The following CDH19 variants were observed in gnomAD, a reference collection of about 807,000 sequenced individuals.
CDH19 encodes cadherin 19, also known as cadherin-19.
A neutral mutation model predicts 64.2 loss-of-function variants in CDH19; 67 were observed. The ratio of observed to expected loss-of-function variants is 1.04; its 90% CI spans 0.86 to 1.28. The LOEUF (loss-of-function observed/expected upper bound fraction) is 1.28. Ranked by LOEUF, CDH19 falls within the 50% of genes most tolerant of loss-of-function variation. CDH19 has a pLI of 0.00. For synonymous variants in CDH19, 346 were observed against 319.3 expected, an observed-to-expected ratio of 1.08 and a Z score of -0.89; for missense variants, 1,030 against 929.0, an observed-to-expected ratio of 1.11 and a Z score of -1.41.
chr18:66,532,682 T>C (rs535204116), intron 8 of CDH19: 11 of 444,936 alleles, frequency 2.5e-5, no homozygotes, highest in Admixed American at 2.2e-4. Context: ...CTTTGAAATG[T>C]AATCTTCAAG....
At chr18:66,521,916 CTGTTGTTGT>C (rs201747306) in intron 9 of CDH19, among the ~76,000 whole-genome samples, 30,477 of 111,050 alleles carry the variant, frequency 0.27, 3,979 homozygotes, top group East Asian at 0.52. Context: ...GTTACTTGTT[CTGTTGTTGT>C]TGTTGTTGTT....
chr18:66,530,364 A>G (rs2144417426), intron 8 of CDH19, among the ~76,000 whole-genome samples: 1 of 152,220 alleles, frequency 6.6e-6, no homozygotes, highest in South Asian at 2.1e-4. Context: ...CGGATAAAAA[A>G]TTGATAAACC....
chr18:66,563,807 A>C (rs1042650490), intron 3 of CDH19, among the ~76,000 whole-genome samples: 1 of 151,886 alleles, frequency 6.6e-6, no homozygotes, highest in African/African-American at 2.4e-5. Context: ...GTGTTCTTCA[A>C]ATTTTTTATT....
intron 2 of CDH19, among the ~76,000 whole-genome samples, chr18:66,569,435 T>A (rs1451075769): frequency 6.6e-6 from 1 of 151,636 alleles, no homozygotes; most frequent in Non-Finnish European, 1.5e-5. Context: ...GGCTGTCAAA[T>A]TTCAGACTGT....
chr18:66,585,342 A>G (rs1988545604), intron 1 of CDH19, among the ~76,000 whole-genome samples: 1 of 152,078 alleles, frequency 6.6e-6, no homozygotes, highest in South Asian at 2.1e-4. Flanking sequence ...AAATAGTTTG[A>G]GATGGAATGT....
chr18:66,527,379 A>G (rs1328422960), intron 9 of CDH19, among the ~76,000 whole-genome samples: 1 of 152,086 alleles, frequency 6.6e-6, no homozygotes, highest in Non-Finnish European at 1.5e-5. Flanking sequence ...ATGTGCATAC[A>G]TATATAACTA....
In CDH19 at chr18:66,502,265, G is replaced by A. The variant is rs1984977298; in HGVS notation, c.*2547C>T. 6.6e-6 allele frequency: 1 copy of A among 151,988 alleles called. No individual in the cohort carries two copies. Among genetic ancestry groups the A allele is most frequent in the Non-Finnish European group, 1.5e-5 (1 of 67,964 alleles). The allele number at this position is 151,988 out of a possible 1,614,324, so 9.4% of individuals were successfully genotyped here. On this transcript the variant is annotated 3_prime_UTR_variant, in exon 12 of 12. Coordinates refer to ENST00000262150, the MANE Select transcript of CDH19 (RefSeq NM_021153.4). ...GGAACATATTTTAGACTACCAAAGA[G>A]ATGAGCAATCGTGTCTGTGCTTTCC...
At position 66,544,101 on chromosome 18, in the gene CDH19, C is replaced by T. The variant is rs1275553299; in HGVS notation, c.1084G>A (p.Glu362Lys). ...AAAAGAGGAGGCTCATCAACATCTTCCACCTGGATCTTAATGAAAGTGGTG... is the reference window on the plus strand; with the variant it reads ...AAAAGAGGAGGCTCATCAACATCTTTCACCTGGATCTTAATGAAAGTGGTG... ...ASTTFIKIQV[E>K]DVDEPPLFLL... Residue 362 changes from glutamate to lysine, a missense_variant, in exon 7 of 12, where the codon GAA (glutamate) becomes AAA (lysine). Coordinates refer to ENST00000262150, the MANE Select transcript of CDH19 (RefSeq NM_021153.4). 1 of 1,613,986 alleles carries T rather than the reference C, an allele frequency of 6.2e-7. No individual in the cohort carries two copies. Among genetic ancestry groups the T allele is most frequent in the East Asian group, 2.2e-5 (1 of 44,868 alleles).
At chr18:66,520,358 T>TTC (rs1374346158) in intron 9 of CDH19, among the ~76,000 whole-genome samples, 14 of 145,392 alleles carry the variant, frequency 9.6e-5, no homozygotes, top group Non-Finnish European at 1.5e-4. Context: ...TTTTTTTTTT[T>TTC]CAGTTTTCTG....
intron 9 of CDH19, among the ~76,000 whole-genome samples, chr18:66,524,490 T>G (rs184533555): frequency 2.7e-5 from 4 of 149,564 alleles, no homozygotes; most frequent in Admixed American, 2.7e-4. Context: ...GTAATGCATA[T>G]GTTAATTAAC....
intron 7 of CDH19, among the ~76,000 whole-genome samples, chr18:66,537,998 T>C (rs1157804222): frequency 6.6e-6 from 1 of 152,104 alleles, no homozygotes; most frequent in Non-Finnish European, 1.5e-5. Flanking sequence ...ATTTTTTATT[T>C]GTAATCATTT....
At chr18:66,548,743 T>A (rs1002099827) in intron 5 of CDH19, among the ~76,000 whole-genome samples, 2 of 152,080 alleles carry the variant, frequency 1.3e-5, no homozygotes, top group African/African-American at 4.8e-5. Context: ...AGGTCGTTAA[T>A]TGGAAACAAT....
At position 66,505,030 on chromosome 18, in the gene CDH19, C is replaced by G. The variant is rs1409839164; in HGVS notation, c.2101G>C (p.Glu701Gln). ...TCAGTATTAGCTTCTTCGAGCTTTT[C>G]CAGAATGAATTTCCTGAATATGGCA... ...DSAIFRKFIL[E>Q]KLEEANTDPC... is the part of the protein sequence containing the mutation. Residue 701 changes from glutamate (E) to glutamine (Q), a missense_variant, in exon 12 of 12, where the codon GAA (glutamate) becomes CAA (glutamine). Glu to Gln is a conservative substitution (Grantham distance 29). Transcript: ENST00000262150. 6.2e-7 allele frequency: 1 copy of G among 1,613,428 alleles called. No homozygotes were observed. The highest frequency in any genetic ancestry group is 8.5e-7 in the Non-Finnish European group (1 of 1,179,730).
chr18:66,565,000 AATC>A (rs1404035991), intron 3 of CDH19, among the ~76,000 whole-genome samples: 1 of 151,778 alleles, frequency 6.6e-6, no homozygotes, highest in African/African-American at 2.4e-5. Context: ...CATCTCCCGA[AATC>A]TTCTATTTAT....
At chr18:66,526,358 T>C (rs1342506075) in intron 9 of CDH19, among the ~76,000 whole-genome samples, 1 of 152,138 alleles carries the variant, frequency 6.6e-6, no homozygotes, top group African/African-American at 2.4e-5. Flanking sequence ...TCTATGCCAT[T>C]GCACCCAATA....
At chr18:66,535,462 A>G (rs940893778) in intron 7 of CDH19, among the ~76,000 whole-genome samples, 47 of 151,336 alleles carry the variant, frequency 3.1e-4, no homozygotes, top group Middle Eastern at 6.8e-3. Flanking sequence ...TTTTACTACA[A>G]CTACTTGGCT....
intron 10 of CDH19, among the ~76,000 whole-genome samples, chr18:66,509,661 T>G (rs1985376680): frequency 6.6e-6 from 1 of 151,724 alleles, no homozygotes; most frequent in East Asian, 1.9e-4. Flanking sequence ...ACTACCAATA[T>G]GAAATATAAG....
chr18:66,540,098 C>A (rs1254030935), intron 7 of CDH19, among the ~76,000 whole-genome samples: 1 of 151,922 alleles, frequency 6.6e-6, no homozygotes, highest in Non-Finnish European at 1.5e-5. Context: ...TCTCTGTTTG[C>A]CCCTTGGCCT....
At chr18:66,530,953 A>T (rs1001516353) in intron 8 of CDH19, among the ~76,000 whole-genome samples, 4 of 152,108 alleles carry the variant, frequency 2.6e-5, no homozygotes, top group Non-Finnish European at 5.9e-5. Context: ...CCTGTAGTGG[A>T]GACACGCCGC....
Sources: allele counts gnomAD v4.1 joint callset (sites outside exome capture counted in the v4.1 genomes callset), GRCh38; gene constraint gnomAD v4.1.1; transcripts MANE v1.5; gene names NCBI Gene and HGNC (gene_info 2026-07-23, HGNC 2026-07-21).